The following SORBS2 variants were observed in gnomAD, a reference collection of about 807,000 sequenced individuals.
The protein encoded by SORBS2 is sorbin and SH3 domain-containing protein 2.
In SORBS2, 46 loss-of-function variants were observed where a neutral mutation model predicts 97.7. The ratio of observed to expected loss-of-function variants is 0.47; its 90% confidence interval spans 0.37 to 0.60. SORBS2 has a LOEUF of 0.60. Among genes scored for constraint, SORBS2 ranks in the 20% least tolerant of loss-of-function variants. The pLI, the probability that SORBS2 is intolerant of heterozygous loss-of-function variation, is 0.00. For synonymous variants in SORBS2, 476 were observed against 473.4 expected, an observed-to-expected ratio of 1.01 and a Z score of -0.07; for missense variants, 1,316 against 1,282.3, an observed-to-expected ratio of 1.03 and a Z score of -0.40.
At chr4:185,949,950 G>T (rs1223228426) in intron 1 of SORBS2, among the ~76,000 whole-genome samples, 1 of 152,052 alleles carries the variant, frequency 6.6e-6, no homozygotes, top group Non-Finnish European at 1.5e-5. Context: ...ACTGGTAACT[G>T]ATCCTATCAA....
intron 1 of SORBS2, among the ~76,000 whole-genome samples, chr4:185,862,030 G>A (rs1381538603): frequency 1.3e-5 from 2 of 152,232 alleles, no homozygotes; most frequent in African/African-American, 4.8e-5. Flanking sequence ...GCTGGGAGCA[G>A]GGAGGAGAGC....
intron 1 of SORBS2, among the ~76,000 whole-genome samples, chr4:185,927,029 CAA>C (rs778534826): frequency 4.1e-4 from 62 of 151,208 alleles, no homozygotes; most frequent in Non-Finnish European, 1.5e-4. Flanking sequence ...ATTATAAAAT[CAA>C]GTCAATTTTA....
chr4:185,637,303 G>A (rs527898718), intron 4 of SORBS2, among the ~76,000 whole-genome samples: 5 of 152,210 alleles, frequency 3.3e-5, no homozygotes, highest in Non-Finnish European at 2.9e-5. Flanking sequence ...GGAACCTGCT[G>A]TACAGGTTTG....
intron 1 of SORBS2, among the ~76,000 whole-genome samples, chr4:185,884,999 G>A (rs1024770741): frequency 2.1e-4 from 32 of 152,132 alleles, no homozygotes; most frequent in African/African-American, 7.2e-4. Flanking sequence ...CTCAATGTAC[G>A]CAGCGGCTCC....
chr4:185,883,444 T>C (rs1442295444), intron 1 of SORBS2, among the ~76,000 whole-genome samples: 3 of 152,188 alleles, frequency 2.0e-5, no homozygotes, highest in African/African-American at 7.2e-5. Context: ...TGCAAAATGG[T>C]GCAGCCACTT....
chr4:185,689,353 C>A (rs2153516292), intron 2 of SORBS2, among the ~76,000 whole-genome samples: 1 of 152,294 alleles, frequency 6.6e-6, no homozygotes, highest in Admixed American at 6.5e-5. Context: ...TGATGCTAGT[C>A]CAGCTGTGGG....
At chr4:185,716,496 A>C (rs1287487918) in intron 2 of SORBS2, among the ~76,000 whole-genome samples, 1 of 152,234 alleles carries the variant, frequency 6.6e-6, no homozygotes, top group East Asian at 1.9e-4. Context: ...TGGCACCGAC[A>C]GGTGTGACTA....
At chr4:185,930,533 C>T (rs1199935438) in intron 1 of SORBS2, among the ~76,000 whole-genome samples, 2 of 152,254 alleles carry the variant, frequency 1.3e-5, no homozygotes, top group Non-Finnish European at 1.5e-5. Flanking sequence ...CTCCTGACCT[C>T]GTGATCCGCC....
At chr4:185,908,302 T>TACAC (rs1554049955) in intron 1 of SORBS2, among the ~76,000 whole-genome samples, 1 of 94,074 alleles carries the variant, frequency 1.1e-5, no homozygotes, top group African/African-American at 4.1e-5. Flanking sequence ...TATATATATA[T>TACAC]ATATATATAT....
chr4:185,787,756 G>A (rs986926926), intron 1 of SORBS2, among the ~76,000 whole-genome samples: 2 of 152,144 alleles, frequency 1.3e-5, no homozygotes, highest in Non-Finnish European at 2.9e-5. Flanking sequence ...CAGGTTTCCC[G>A]TATTGTTCCT....
chr4:185,638,826 C>A (rs2097074517), intron 4 of SORBS2, 51 bp downstream of exon 14: 2 of 1,407,838 alleles, frequency 1.4e-6, no homozygotes, highest in Admixed American at 3.5e-5. Context: ...GCAAGGGCTG[C>A]ACCTGCACCT....
chr4:185,947,507 C>T (rs77771441), intron 1 of SORBS2, among the ~76,000 whole-genome samples: 1,611 of 152,282 alleles, frequency 0.011, 59 homozygotes, highest in East Asian at 0.1. Context: ...AACCTGGGTT[C>T]CAACCCAACC....
At chr4:185,648,721 G>A (rs1439596433) in intron 3 of SORBS2, among the ~76,000 whole-genome samples, 1 of 152,144 alleles carries the variant, frequency 6.6e-6, no homozygotes, top group Admixed American at 6.5e-5. Context: ...TGGACATAAC[G>A]AGCTGCATGA....
At chr4:185,624,169 C>T in exon 7 of SORBS2, 2 of 1,614,244 alleles carry the variant, frequency 1.2e-6, no homozygotes, top group Non-Finnish European at 1.7e-6. Flanking sequence ...TGGGGCAGCT[C>T]TCCTTGGAGT....
At chr4:185,861,938 A>C (rs2099224039) in intron 1 of SORBS2, among the ~76,000 whole-genome samples, 1 of 152,130 alleles carries the variant, frequency 6.6e-6, no homozygotes, top group Non-Finnish European at 1.5e-5. Flanking sequence ...TGCTGTGTGG[A>C]TACTTGATAC....
chr4:185,691,752 G>A, intron 2 of SORBS2, among the ~76,000 whole-genome samples: 1 of 147,262 alleles, frequency 6.8e-6, no homozygotes, highest in African/African-American at 2.5e-5. Flanking sequence ...TCAGAAAAAA[G>A]TTTTTTTTTT....
intron 1 of SORBS2, among the ~76,000 whole-genome samples, chr4:185,786,075 G>A (rs1399230606): frequency 6.6e-6 from 1 of 151,980 alleles, no homozygotes; most frequent in African/African-American, 2.4e-5. Context: ...AAATGGATTG[G>A]GCACACCTAG....
In SORBS2 at chr4:185,826,036, C is replaced by G. The variant is rs775706562; in HGVS notation, c.-337-50670G>C. Among the ~76,000 whole-genome samples, 48 of 152,108 alleles carry G rather than the reference C, an allele frequency of 3.2e-4. 1 individual carries two copies. The highest frequency in any genetic ancestry group is 5.6e-4 in the Non-Finnish European group (38 of 68,024). ...AAAGCATTTAAAGTCCATGGCTTAC[C>G]AAGCCAAACAAGAACTCCATTCAAG... On this transcript the variant is annotated intron_variant, in intron 1 of 20. Transcript: ENST00000284776.
At chr4:185,662,355 G>A (rs2097534923) in intron 4 of SORBS2, 113 bp from the exon 8 acceptor site, 4 of 1,077,864 alleles carry the variant, frequency 3.7e-6, no homozygotes, top group Non-Finnish European at 5.3e-6. Context: ...CAGCTGCCAA[G>A]CTCTTATTTA....
Sources: gnomAD v4.1 joint callset for allele counts (sites outside exome capture counted in the v4.1 genomes callset) on GRCh38, gnomAD v4.1.1 for gene constraint, MANE v1.5 for transcripts, NCBI Gene and HGNC (gene_info 2026-07-23, HGNC 2026-07-21) for gene names.